The following GLIS3 variants were observed in gnomAD, a reference collection of about 807,000 sequenced individuals.
The protein encoded by GLIS3 is zinc finger protein GLIS3.
Under a neutral mutation model 78.6 loss-of-function variants are expected in GLIS3, and 53 were observed. The observed-to-expected ratio is 0.67, with a 90% CI of 0.54 to 0.85. The LOEUF (loss-of-function observed/expected upper bound fraction) is 0.85. Ranked by LOEUF, GLIS3 falls within the 40% of genes least tolerant of loss-of-function variation. GLIS3 has a pLI of 0.00. For missense variants in GLIS3, 1,703 were observed against 1,231.1 expected (o/e 1.38, Z -5.74); for synonymous variants, 684 against 509.9 (o/e 1.34, Z -4.60).
upstream of GLIS3, among the ~76,000 whole-genome samples, chr9:4,350,756 C>T (rs1817959282): frequency 6.7e-6 from 1 of 148,888 alleles, no homozygotes; most frequent in Admixed American, 6.6e-5. Context: ...TATGTCTCTT[C>T]TACCCAAAAT....
intron 2 of GLIS3, among the ~76,000 whole-genome samples, chr9:4,142,469 G>T (rs867941296): frequency 2.0e-5 from 3 of 152,128 alleles, no homozygotes; most frequent in African/African-American, 7.2e-5. Flanking sequence ...GGGTTAGAGT[G>T]CCTCCTCATT....
intron 4 of GLIS3, among the ~76,000 whole-genome samples, chr9:3,970,678 T>C (rs1033190601): frequency 2.0e-5 from 3 of 152,196 alleles, no homozygotes; most frequent in African/African-American, 7.2e-5. Context: ...TGCAGGATTA[T>C]TCAGCAGAGC....
At chr9:4,278,140 C>G (rs1419796073) in intron 2 of GLIS3, among the ~76,000 whole-genome samples, 1 of 152,174 alleles carries the variant, frequency 6.6e-6, no homozygotes, top group Admixed American at 6.5e-5. Context: ...AAAACACTGA[C>G]AAGTGTGCAA....
At chr9:3,864,760 C>T (rs965919838) in intron 8 of GLIS3, among the ~76,000 whole-genome samples, 1 of 152,090 alleles carries the variant, frequency 6.6e-6, no homozygotes, top group Non-Finnish European at 1.5e-5. Context: ...TGGAAGGAAA[C>T]AGCATATATT....
At chr9:3,897,245 G>T (rs1360427429) in intron 7 of GLIS3, among the ~76,000 whole-genome samples, 1 of 152,096 alleles carries the variant, frequency 6.6e-6, no homozygotes, top group Non-Finnish European at 1.5e-5. Context: ...ATCACTTCTG[G>T]TTAGTGTTGA....
chr9:4,070,063 G>C (rs1827458059), intron 4 of GLIS3, among the ~76,000 whole-genome samples: 1 of 151,986 alleles, frequency 6.6e-6, no homozygotes, highest in African/African-American at 2.4e-5. Context: ...ACTTTTATCT[G>C]TAATCAAAAT....
At chr9:3,933,067 A>C (rs910940270) in intron 5 of GLIS3, 10 of 219,300 alleles carry the variant, frequency 4.6e-5, no homozygotes, top group African/African-American at 2.3e-4. Flanking sequence ...GTTGAGCCTG[A>C]GTTAAGTGAA....
chr9:4,010,573 G>A lies in GLIS3; in HGVS notation c.1711-73384C>T, dbSNP rs115458707. 2.3e-3 allele frequency among the ~76,000 whole-genome samples: 351 copies of A among 152,228 alleles called. 4 individuals carry two copies. Among genetic ancestry groups the A allele is most frequent in the African/African-American group, 7.4e-3 (306 of 41,534 alleles). ...CTCTCTGGTAATAGCAGGCAGGACC[G>A]TGTGAAAGAACAGACATGAAATTTG... On this transcript the variant is annotated intron_variant, in intron 4 of 10. Coordinates refer to ENST00000381971, the MANE Select transcript of GLIS3 (RefSeq NM_001042413.2).
At chr9:3,893,573 T>A (rs1328552193) in intron 7 of GLIS3, among the ~76,000 whole-genome samples, 2 of 152,186 alleles carry the variant, frequency 1.3e-5, no homozygotes, top group African/African-American at 2.4e-5. Flanking sequence ...CAGAACTAGA[T>A]ACTACAGTGC....
intron 2 of GLIS3, among the ~76,000 whole-genome samples, chr9:4,127,416 G>A (rs1025938163): frequency 1.3e-5 from 2 of 151,926 alleles, no homozygotes; most frequent in Non-Finnish European, 2.9e-5. Flanking sequence ...ACCTCTCCTT[G>A]ACCCCTCCCA....
chr9:3,935,648 G>A (rs545053875), intron 5 of GLIS3, among the ~76,000 whole-genome samples: 1 of 152,222 alleles, frequency 6.6e-6, no homozygotes, highest in African/African-American at 2.4e-5. Flanking sequence ...GGTTAATGAC[G>A]AATTGGAAAG....
chr9:4,197,762 G>A (rs565270948), intron 2 of GLIS3, among the ~76,000 whole-genome samples: 1 of 152,180 alleles, frequency 6.6e-6, no homozygotes, highest in African/African-American at 2.4e-5. Context: ...CAGCCACAAA[G>A]GCCACCGCCA....
the GLIS3 span, among the ~76,000 whole-genome samples, chr9:4,473,466 A>AAAAAAAAAAAG: frequency 3.7e-5 from 5 of 135,412 alleles, no homozygotes; most frequent in Admixed American, 7.8e-5. Flanking sequence ...ACAACAAAAA[A>AAAAAAAAAAAG]AAAGGATCAT....
At chr9:4,308,159 C>T (rs531852707) in intron 4 of GLIS3, among the ~76,000 whole-genome samples, 15 of 152,004 alleles carry the variant, frequency 9.9e-5, no homozygotes, top group Admixed American at 3.3e-4. Flanking sequence ...CTTGGTGTCA[C>T]GACCTATCTG....
chr9:3,879,634 A>G lies in GLIS3; in HGVS notation c.2129-39T>C, dbSNP rs1212940074. ...AGAACAAACATGAGACCGTGCCCCA[A>G]AGGAAGCCCACGTTTTTTAAATACC... On this transcript the variant is annotated intron_variant, in intron 7 of 10. Transcript: ENST00000381971. 4.3e-6 allele frequency: 7 copies of G among 1,610,266 alleles called. No individual in the cohort carries two copies. In the African/African-American group the frequency reaches 6.7e-5, roughly 15 times the overall value.
chr9:4,364,294 T>C, the GLIS3 span, among the ~76,000 whole-genome samples: 1 of 152,252 alleles, frequency 6.6e-6, no homozygotes, highest in African/African-American at 2.4e-5. Context: ...TCTGAAAAAC[T>C]GGATATTCTT....
rs762961944 is a variant in GLIS3 at position 4,154,952 on chromosome 9, T to C, written c.389-29011A>G. ...AAAAATGTCTGCTGCACTTAAAAAT[T>C]ATATTTTCAAAGAATACTGAACTAC... On this transcript the variant is annotated intron_variant, in intron 2 of 10. Coordinates refer to ENST00000381971, the MANE Select transcript of GLIS3 (RefSeq NM_001042413.2). 4.1e-4 allele frequency among the ~76,000 whole-genome samples: 63 copies of C among 152,194 alleles called. 1 individual carries two copies. Among genetic ancestry groups the C allele is most frequent in the Non-Finnish European group, 8.2e-4 (56 of 68,036 alleles).
At chr9:4,200,057 G>A (rs1161398684) in intron 2 of GLIS3, among the ~76,000 whole-genome samples, 2 of 152,050 alleles carry the variant, frequency 1.3e-5, no homozygotes, top group East Asian at 1.9e-4. Context: ...GAATGACCTT[G>A]GAGTAAACAA....
At chr9:4,455,308 C>A in the GLIS3 span, among the ~76,000 whole-genome samples, 1 of 152,226 alleles carries the variant, frequency 6.6e-6, no homozygotes, top group South Asian at 2.1e-4. Context: ...AAATGTGTCA[C>A]CACACTCTTT....
Sources: gnomAD v4.1 joint callset for allele counts (sites outside exome capture counted in the v4.1 genomes callset) on GRCh38, gnomAD v4.1.1 for gene constraint, MANE v1.5 for transcripts, NCBI Gene and HGNC (gene_info 2026-07-23, HGNC 2026-07-21) for gene names.